The following CCT3 variants were observed in gnomAD, a reference collection of about 807,000 sequenced individuals.
CCT3 encodes the protein chaperonin containing TCP1 subunit 3.
A neutral mutation model predicts 65.3 loss-of-function variants in CCT3; 10 were observed. The ratio of observed to expected loss-of-function variants is 0.15; its 90% CI spans 0.09 to 0.26. The LOEUF (loss-of-function observed/expected upper bound fraction) is 0.26, where lower values mean the gene tolerates loss of function less well. CCT3 is among the 10% of genes least tolerant of loss of function. The probability of loss-of-function intolerance (pLI) is 1.00; values close to 1 mark genes in which losing one functional copy is unlikely to be tolerated. For missense variants in CCT3, 626 were observed against 708.7 expected (o/e 0.88, Z 1.33); for synonymous variants, 225 against 242.3 (o/e 0.93, Z 0.66).
At chr1:156,325,120 T>G (rs764221181) in intron 5 of CCT3, 31 bp from the exon 6 acceptor site, 1 of 1,443,700 alleles carries the variant, frequency 6.9e-7, no homozygotes, top group Non-Finnish European at 9.7e-7. Flanking sequence ...ATAGTAATAT[T>G]TAAAGCATCT....
At chr1:156,311,695 C>T (rs1398776298) in intron 11 of CCT3, among the ~76,000 whole-genome samples, 1 of 152,078 alleles carries the variant, frequency 6.6e-6, no homozygotes, top group South Asian at 2.1e-4. Context: ...AATAAGAAAA[C>T]AGTTGTTGCT....
chr1:156,319,962 C>T (rs1173231303), intron 7 of CCT3, among the ~76,000 whole-genome samples: 2 of 152,152 alleles, frequency 1.3e-5, no homozygotes, highest in Non-Finnish European at 2.9e-5. Context: ...CATGGAGACA[C>T]CAATAAGCCT....
In CCT3 at chr1:156,338,134, C is replaced by T; in HGVS notation, c.31+20G>A. The T allele has an allele frequency of 2.5e-6, 4 of 1,579,640 alleles. No homozygotes were observed. In the South Asian group the frequency reaches 4.7e-5, roughly 18 times the overall value. ...AGAGGGCGAAAAGGGGGTCCATTTC[C>T]TGGCATCCCCAGAACTCACTGAGCA... On this transcript the variant is annotated intron_variant, in intron 1 of 13. Transcript: ENST00000295688.
At chr1:156,316,693 C>G (rs1027710022) in intron 10 of CCT3, among the ~76,000 whole-genome samples, 1 of 152,144 alleles carries the variant, frequency 6.6e-6, no homozygotes, top group Non-Finnish European at 1.5e-5. Flanking sequence ...AAGACCTTGT[C>G]TATTAAAAAG....
intron 5 of CCT3, among the ~76,000 whole-genome samples, chr1:156,326,312 G>A (rs1038312802): frequency 1.3e-5 from 2 of 152,000 alleles, no homozygotes; most frequent in Admixed American, 6.6e-5. Context: ...CTGGGCAATA[G>A]AGCAAGATTC....
intron 10 of CCT3, among the ~76,000 whole-genome samples, chr1:156,314,357 G>C (rs1442673691): frequency 1.3e-5 from 2 of 152,054 alleles, no homozygotes; most frequent in African/African-American, 4.8e-5. Flanking sequence ...CGGTGGTGAA[G>C]GGTTTCAAGA....
chr1:156,320,646 T>C (rs1211643530), intron 7 of CCT3, among the ~76,000 whole-genome samples, 193 bp downstream of exon 7: 1 of 152,028 alleles, frequency 6.6e-6, no homozygotes, highest in African/African-American at 2.4e-5. Context: ...ATCAGAGGAT[T>C]TGCTTGAGGC....
intron 5 of CCT3, among the ~76,000 whole-genome samples, chr1:156,332,095 G>A (rs1665126994): frequency 2.6e-5 from 4 of 151,014 alleles, no homozygotes; most frequent in Middle Eastern, 3.5e-3. Flanking sequence ...GCACAAACAC[G>A]GCTCACTGCA....
intron 1 of CCT3, chr1:156,337,087 G>A (rs1265297556): frequency 7.8e-7 from 1 of 1,285,832 alleles, no homozygotes. Flanking sequence ...ACCAAAGGAA[G>A]ACAATGGAGG....
rs916724367 is a variant in CCT3, at chr1:156,335,195, C to A, written c.94-277G>T. On this transcript the variant is annotated intron_variant, in intron 2 of 13. Transcript: ENST00000295688. ...CAGAGTCAGTGTTTTTAATGACACCCCTAAAGCATGGTTAGCCATCACTTT... is the reference window on the plus strand; with the variant it reads ...CAGAGTCAGTGTTTTTAATGACACCACTAAAGCATGGTTAGCCATCACTTT... 9 of 381,654 alleles carry A rather than the reference C, an allele frequency of 2.4e-5. No homozygotes were observed. The South Asian group carries it at 3.3e-4, about 14-fold the overall frequency. 23.6% of individuals were successfully genotyped at this position (381,654 alleles called of 1,614,324 possible). A position where few individuals can be genotyped will look rare whatever the true frequency, so the allele number is the denominator to read the frequency against.
At chr1:156,337,229 G>C in intron 1 of CCT3, 1 of 368,228 alleles carries the variant, frequency 2.7e-6, no homozygotes, top group Non-Finnish European at 5.0e-6. Context: ...TCAACATGGT[G>C]AAACTCCGTC....
intron 1 of CCT3, chr1:156,337,750 G>C (rs1665490578): frequency 4.6e-6 from 1 of 218,060 alleles, no homozygotes; most frequent in Admixed American, 5.3e-5. Flanking sequence ...TTAAATTACC[G>C]CTACTAAGGG....
At position 156,311,100 on chromosome 1, in the gene CCT3, A is replaced by G; in HGVS notation, c.1251T>C (p.Ala417=). 1 of 1,613,990 alleles carries G rather than the reference A, an allele frequency of 6.2e-7. No individual in the cohort carries two copies. Among genetic ancestry groups the G allele is most frequent in the Non-Finnish European group, 8.5e-7 (1 of 1,179,964 alleles). Residue 417 remains alanine, a synonymous_variant, in exon 12 of 14, where the codon GCT becomes GCC. Coordinates refer to ENST00000295688, the MANE Select transcript of CCT3 (RefSeq NM_005998.5). The part of the protein sequence containing the change: ...LVPGGGASEM[A]VAHALTEKSK... ...ATTTTTCTGTCAAGGCATGGGCCAC[A>G]GCCATCTCGGAGGCCCCACCCCCTG...
chr1:156,331,780 TC>T (rs1038517509), intron 5 of CCT3, among the ~76,000 whole-genome samples: 42 of 152,146 alleles, frequency 2.8e-4, no homozygotes, highest in African/African-American at 9.6e-4. Flanking sequence ...ACACCTATTA[TC>T]CCAGCACTTT....
At chr1:156,310,213 C>A (rs1283983579) in intron 13 of CCT3, among the ~76,000 whole-genome samples, 1 of 152,042 alleles carries the variant, frequency 6.6e-6, no homozygotes, top group South Asian at 2.1e-4. Flanking sequence ...CTAGACCAGG[C>A]TGGGCATGGT....
At chr1:156,335,134 G>T in intron 2 of CCT3, 1 of 528,806 alleles carries the variant, frequency 1.9e-6, no homozygotes, top group Non-Finnish European at 3.3e-6. Flanking sequence ...GCCTCCCAAA[G>T]TGTTGGGATT....
intron 8 of CCT3, 25 bp from the exon 9 acceptor site, chr1:156,317,572 A>G: frequency 6.3e-7 from 1 of 1,598,634 alleles, no homozygotes; most frequent in Non-Finnish European, 8.6e-7. Flanking sequence ...AAAGACACTG[A>G]TTTTAAAATC....
At chr1:156,311,937 T>A in intron 11 of CCT3, 104 bp downstream of exon 11, 1 of 840,516 alleles carries the variant, frequency 1.2e-6, no homozygotes, top group South Asian at 3.8e-5. Context: ...AGGTCCAAAT[T>A]AAATAGCTAT....
chr1:156,324,909 G>T, intron 6 of CCT3, 63 bp downstream of exon 6: 1 of 1,112,826 alleles, frequency 9.0e-7, no homozygotes. Flanking sequence ...TGACAGCCAT[G>T]AGCCACCACG....
Sources: gnomAD v4.1 joint callset for allele counts (sites outside exome capture counted in the v4.1 genomes callset) on GRCh38, gnomAD v4.1.1 for gene constraint, MANE v1.5 for transcripts, NCBI Gene and HGNC (gene_info 2026-07-23, HGNC 2026-07-21) for gene names.